Variants in PLXDC2 observed in about 807,000 individuals in gnomAD.
PLXDC2 encodes plexin domain containing 2, also known as plexin domain-containing protein 2.
A neutral mutation model predicts 68.9 loss-of-function variants in PLXDC2; 40 were observed. That is an observed-to-expected ratio of 0.58 (90% CI 0.45 to 0.76). The LOEUF (loss-of-function observed/expected upper bound fraction) is 0.76. PLXDC2 is among the 30% of genes least tolerant of loss of function. The probability of loss-of-function intolerance (pLI) is 0.00; values close to 1 mark genes in which losing one functional copy is unlikely to be tolerated. For missense variants in PLXDC2, 644 were observed against 661.9 expected (o/e 0.97, Z 0.30); for synonymous variants, 243 against 234.2 (o/e 1.04, Z -0.34).
chr10:20,046,734 C>T, intron 2 of PLXDC2, 135 bp from the exon 3 acceptor site: 1 of 820,064 alleles, frequency 1.2e-6, no homozygotes, highest in Non-Finnish European at 1.8e-6. Context: ...TCCAAATTCA[C>T]TTCTCCTAGA....
intron 4 of PLXDC2, among the ~76,000 whole-genome samples, chr10:20,069,866 T>C (rs1836287097): frequency 1.3e-5 from 2 of 151,924 alleles, no homozygotes; most frequent in South Asian, 2.1e-4. Flanking sequence ...AAAAAGAAAA[T>C]ACAAATGATA....
At position 20,279,844 on chromosome 10, in the gene PLXDC2, G is replaced by C; in HGVS notation, c.*25G>C. On this transcript the variant is annotated 3_prime_UTR_variant, in exon 14 of 14. Transcript: ENST00000377252. ...AAATTTCTAGGACAGAACAACACCAGTACTGGTTTACAGGTGTTAAGACTA... is the reference window on the plus strand; with the variant it reads ...AAATTTCTAGGACAGAACAACACCACTACTGGTTTACAGGTGTTAAGACTA... 6.3e-7 allele frequency: 1 copy of C among 1,599,370 alleles called. No homozygotes were observed. The highest frequency in any genetic ancestry group is 1.7e-5 in the Admixed American group (1 of 59,810).
chr10:19,831,118 A>G (rs1019641601), intron 1 of PLXDC2, among the ~76,000 whole-genome samples: 1 of 152,176 alleles, frequency 6.6e-6, no homozygotes. Context: ...TTGATAGGGC[A>G]TATTATCAAT....
intron 1 of PLXDC2, among the ~76,000 whole-genome samples, chr10:19,975,094 AC>A (rs2131615068): frequency 6.6e-6 from 1 of 152,266 alleles, no homozygotes; most frequent in South Asian, 2.1e-4. Flanking sequence ...GTATTTTTCT[AC>A]TTATATCTAA....
intron 1 of PLXDC2, among the ~76,000 whole-genome samples, chr10:19,841,250 C>T (rs1248789039): frequency 6.6e-6 from 1 of 152,120 alleles, no homozygotes; most frequent in South Asian, 2.1e-4. Flanking sequence ...GAAATGTGCA[C>T]ATTATGATTA....
chr10:19,876,057 G>A (rs1331137983), intron 1 of PLXDC2, among the ~76,000 whole-genome samples: 4 of 151,996 alleles, frequency 2.6e-5, no homozygotes, highest in East Asian at 1.9e-4. Flanking sequence ...TCAGTGGTGG[G>A]GATTATGAGT....
intron 1 of PLXDC2, among the ~76,000 whole-genome samples, chr10:19,844,997 T>G (rs1836979993): frequency 6.6e-6 from 1 of 152,194 alleles, no homozygotes; most frequent in African/African-American, 2.4e-5. Context: ...AGAAAATATC[T>G]TGCTTTGGTT....
chr10:20,245,475 A>G lies in PLXDC2; in HGVS notation c.1443A>G (p.Pro481=). 1 of 1,612,482 alleles carries G rather than the reference A, an allele frequency of 6.2e-7. No homozygotes were observed. The highest frequency in any genetic ancestry group is 8.5e-7 in the Non-Finnish European group (1 of 1,179,722). ...ILVTVYMYHH[P]TSAASIFFIE... ...TGACAGTCTATATGTATCACCACCC[A>G]ACATCAGCAGCCAGCATCTTCTTTA... Residue 481 remains proline (P), a synonymous_variant, in exon 13 of 14, where the codon CCA becomes CCG. Coordinates refer to ENST00000377252, the MANE Select transcript of PLXDC2 (RefSeq NM_032812.9).
intron 4 of PLXDC2, among the ~76,000 whole-genome samples, chr10:20,099,385 A>G (rs903699281): frequency 3.9e-5 from 6 of 152,190 alleles, no homozygotes; most frequent in Non-Finnish European, 8.8e-5. Context: ...TTAATTTGCA[A>G]AACTAATATC....
In PLXDC2 at chr10:19,849,415, G is replaced by C. The variant is rs111686050; in HGVS notation, c.112+32224G>C. Among the ~76,000 whole-genome samples the C allele has an allele frequency of 5.5e-3, 839 of 152,202 alleles. 15 individuals are homozygous for C. The highest frequency in any genetic ancestry group is 0.019 in the African/African-American group (806 of 41,534). On this transcript the variant is annotated intron_variant, in intron 1 of 13. Coordinates refer to ENST00000377252, the MANE Select transcript of PLXDC2 (RefSeq NM_032812.9). ...ATATGATACATGATATAGTTTGGCT[G>C]TGGCCCCACCCGAATCTCATCTTGA...
chr10:20,153,257 A>G (rs1373619193), intron 6 of PLXDC2, among the ~76,000 whole-genome samples: 2 of 152,196 alleles, frequency 1.3e-5, no homozygotes, highest in African/African-American at 4.8e-5. Context: ...ATCAAAATGA[A>G]CCATTGAACC....
intron 2 of PLXDC2, among the ~76,000 whole-genome samples, chr10:20,029,343 C>T (rs1835459870): frequency 6.6e-6 from 1 of 152,160 alleles, no homozygotes; most frequent in Non-Finnish European, 1.5e-5. Context: ...ATACCTCCCA[C>T]ATACATAATC....
At chr10:20,158,775 A>G (rs1422204234) in intron 6 of PLXDC2, among the ~76,000 whole-genome samples, 1 of 152,132 alleles carries the variant, frequency 6.6e-6, no homozygotes, top group Non-Finnish European at 1.5e-5. Context: ...AGGACCCTGC[A>G]GACTGGTCTC....
chr10:20,074,794 C>T (rs1163863225), intron 4 of PLXDC2, among the ~76,000 whole-genome samples: 1 of 152,076 alleles, frequency 6.6e-6, no homozygotes, highest in Non-Finnish European at 1.5e-5. Flanking sequence ...AAGTGTATAA[C>T]CCCATAAAAC....
At chr10:20,207,752 C>G (rs1835012227) in intron 9 of PLXDC2, among the ~76,000 whole-genome samples, 1 of 152,128 alleles carries the variant, frequency 6.6e-6, no homozygotes, top group African/African-American at 2.4e-5. Context: ...ACTGGGGATT[C>G]TCAAATTTAG....
chr10:20,004,602 A>G (rs1834996030), intron 2 of PLXDC2, among the ~76,000 whole-genome samples: 1 of 152,182 alleles, frequency 6.6e-6, no homozygotes, highest in Admixed American at 6.5e-5. Context: ...AAATGCAAAA[A>G]ATCTGCACCC....
At chr10:19,980,887 C>T (rs1473410143) in intron 1 of PLXDC2, among the ~76,000 whole-genome samples, 2 of 152,160 alleles carry the variant, frequency 1.3e-5, no homozygotes, top group African/African-American at 2.4e-5. Context: ...CAGTCCATAA[C>T]ATCTGGTTTT....
At chr10:20,145,728 T>A (rs1488528369) in intron 5 of PLXDC2, among the ~76,000 whole-genome samples, 1 of 151,782 alleles carries the variant, frequency 6.6e-6, no homozygotes, top group African/African-American at 2.4e-5. Flanking sequence ...TTTTTAATAT[T>A]TTTTTTAGTA....
chr10:20,031,571 G>A (rs1199164744), intron 2 of PLXDC2, among the ~76,000 whole-genome samples: 1 of 152,090 alleles, frequency 6.6e-6, no homozygotes, highest in Admixed American at 6.5e-5. Context: ...AAACTTGATG[G>A]CTTAAAACAA....
Sources: gnomAD v4.1 joint callset for allele counts (sites outside exome capture counted in the v4.1 genomes callset) on GRCh38, gnomAD v4.1.1 for gene constraint, MANE v1.5 for transcripts, NCBI Gene and HGNC (gene_info 2026-07-23, HGNC 2026-07-21) for gene names.